Variants in SVOP observed in about 807,000 individuals in gnomAD.
SVOP encodes SV2 related protein, also known as synaptic vesicle 2-related protein.
Under a neutral mutation model 69.1 loss-of-function variants are expected in SVOP, and 17 were observed. That is an observed-to-expected ratio of 0.25 (90% CI 0.17 to 0.37). The LOEUF (loss-of-function observed/expected upper bound fraction) is 0.37, where lower values mean the gene tolerates loss of function less well. Ranked by LOEUF, SVOP falls within the 10% of genes least tolerant of loss-of-function variation. SVOP has a pLI of 1.00. For missense variants in SVOP, 435 were observed against 597.5 expected (o/e 0.73, Z 2.84); for synonymous variants, 238 against 238.6 (o/e 1.00, Z 0.02).
At chr12:108,959,080 C>T (rs759256716) in intron 6 of SVOP, among the ~76,000 whole-genome samples, 26 of 152,170 alleles carry the variant, frequency 1.7e-4, no homozygotes, top group Non-Finnish European at 3.5e-4. Context: ...ATGCTGCGTC[C>T]TGGCACCTAG....
At chr12:108,987,517 C>G (rs1323826849) in intron 1 of SVOP, among the ~76,000 whole-genome samples, 1 of 152,160 alleles carries the variant, frequency 6.6e-6, no homozygotes, top group Admixed American at 6.5e-5. Context: ...GAGGAATTGC[C>G]AGAATGTCTT....
chr12:108,980,380 T>C (rs2040128837), intron 2 of SVOP, among the ~76,000 whole-genome samples: 1 of 152,188 alleles, frequency 6.6e-6, no homozygotes, highest in African/African-American at 2.4e-5. Context: ...GTAAAGGGTA[T>C]GTGAGAAATG....
chr12:109,007,024 G>T (rs2040312696), intron 1 of SVOP, among the ~76,000 whole-genome samples: 1 of 152,126 alleles, frequency 6.6e-6, no homozygotes, highest in Non-Finnish European at 1.5e-5. Flanking sequence ...TGGAGAGGTG[G>T]AGGGCTGAGG....
At position 108,912,426 on chromosome 12, in the gene SVOP, C is replaced by A. The variant is rs1384663554; in HGVS notation, c.*109G>T. ...CAAAACCCTGTTGGTCCAGGTCATA[C>A]TCTTGGGTGAGTTCTTGATGTCGGC... On this transcript the variant is annotated 3_prime_UTR_variant, in exon 16 of 16. Transcript: ENST00000610966. 1 of 1,561,594 alleles carries A rather than the reference C, an allele frequency of 6.4e-7. No individual in the cohort carries two copies. The highest frequency in any genetic ancestry group is 8.7e-7 in the Non-Finnish European group (1 of 1,153,200).
chr12:108,980,014 A>C (rs1393724604), intron 2 of SVOP, among the ~76,000 whole-genome samples: 1 of 152,120 alleles, frequency 6.6e-6, no homozygotes, highest in African/African-American at 2.4e-5. Flanking sequence ...TCTACTAAAA[A>C]TATTTTTAAA....
rs1462034015 is a variant in SVOP at position 108,918,064 on chromosome 12, C to T, written c.1329G>A (p.Ala443=). 12 of 1,582,124 alleles carry T rather than the reference C, an allele frequency of 7.6e-6. No individual in the cohort carries two copies. The highest frequency in any genetic ancestry group is 9.5e-6 in the Non-Finnish European group (11 of 1,163,888). The change falls in exon 14 of 16, where the codon GCG becomes GCA. Residue 443 remains alanine, a synonymous_variant. Transcript: ENST00000610966. Reference sequence around the variant, plus strand: ...CTACCTCAGGTGTGTAAACATATGCCGCTTGAAAGCCTCCAGAAATAAACG... The same window carrying T: ...CTACCTCAGGTGTGTAAACATATGCTGCTTGAAAGCCTCCAGAAATAAACG... ...ARAFISGGFQ[A]AYVYTPEVYP...
intron 5 of SVOP, among the ~76,000 whole-genome samples, chr12:108,965,804 C>T (rs889339428): frequency 7.9e-5 from 12 of 152,086 alleles, no homozygotes; most frequent in Non-Finnish European, 1.3e-4. Flanking sequence ...AGAGGGAGTC[C>T]GAGCGCCTGC....
intron 11 of SVOP, among the ~76,000 whole-genome samples, chr12:108,931,537 G>A: frequency 6.6e-6 from 1 of 152,150 alleles, no homozygotes; most frequent in Non-Finnish European, 1.5e-5. Context: ...TCTGGGCACT[G>A]TTTAAAAGCT....
intron 1 of SVOP, among the ~76,000 whole-genome samples, chr12:109,017,442 G>A (rs1024765488): frequency 7.9e-5 from 12 of 151,864 alleles, no homozygotes; most frequent in African/African-American, 1.5e-4. Context: ...TGGCCTACAC[G>A]TATGCTGTCC....
chr12:108,917,968 T>C lies in SVOP; in HGVS notation c.1350+75A>G. Reference sequence around the variant, plus strand: ...CCACCTCATTCTTTTTAATGGTTTCTGGAAGCAGAGCATCCCCCACAGCCA... The same window carrying C: ...CCACCTCATTCTTTTTAATGGTTTCCGGAAGCAGAGCATCCCCCACAGCCA... On this transcript the variant is annotated intron_variant, in intron 14 of 15. Transcript: ENST00000610966. 4 of 1,251,764 alleles carry C rather than the reference T, an allele frequency of 3.2e-6. No homozygotes were observed. The South Asian group carries it at 6.0e-5, about 19-fold the overall frequency. 77.5% of individuals were successfully genotyped at this position (1,251,764 alleles called of 1,614,324 possible). A position where few individuals can be genotyped will look rare whatever the true frequency, so the allele number is the denominator to read the frequency against.
chr12:109,003,312 A>G (rs1292492547), intron 1 of SVOP, among the ~76,000 whole-genome samples: 3 of 152,176 alleles, frequency 2.0e-5, no homozygotes, highest in African/African-American at 7.2e-5. Flanking sequence ...CTGGGCATCT[A>G]CTGCTCTTAT....
chr12:108,975,875 A>G lies in SVOP; in HGVS notation c.381+1523T>C, dbSNP rs148639154. 2.0e-5 allele frequency among the ~76,000 whole-genome samples: 3 copies of G among 151,922 alleles called. No individual in the cohort carries two copies. The East Asian group carries it at 5.8e-4, about 29-fold the overall frequency. On this transcript the variant is annotated intron_variant, in intron 4 of 15. Coordinates refer to ENST00000610966, the MANE Select transcript of SVOP (RefSeq NM_018711.5). ...GCCACCATGCCCAGTCAATTTTTGT[A>G]TTTTTGGTAGAGACGGGGTTTCACC...
At chr12:108,934,091 G>A (rs2039841101) in intron 11 of SVOP, 104 bp downstream of exon 11, 2 of 983,720 alleles carry the variant, frequency 2.0e-6, no homozygotes, top group Non-Finnish European at 1.5e-6. Flanking sequence ...GTAGTACAAG[G>A]CCAATCCCTT....
intron 2 of SVOP, among the ~76,000 whole-genome samples, chr12:108,980,476 T>C (rs1016101161): frequency 0.33 from 50,183 of 152,112 alleles, 8,793 homozygotes; most frequent in African/African-American, 0.44. Flanking sequence ...CAGCCAGGTG[T>C]GGTGGCTCAC....
chr12:108,988,770 C>CTTTTTTTTTTT (rs758822738), intron 1 of SVOP, among the ~76,000 whole-genome samples: 3 of 92,158 alleles, frequency 3.3e-5, no homozygotes, highest in East Asian at 3.6e-4. Flanking sequence ...TCTTTTCTCT[C>CTTTTTTTTTTT]TTTTTTTTTT....
At chr12:108,927,421 T>C (rs2039786887) in intron 11 of SVOP, among the ~76,000 whole-genome samples, 1 of 152,200 alleles carries the variant, frequency 6.6e-6, no homozygotes, top group Admixed American at 6.5e-5. Context: ...TTACCTTTTG[T>C]TTAAAATTTT....
intron 4 of SVOP, among the ~76,000 whole-genome samples, chr12:108,973,616 C>T (rs1313567885): frequency 1.3e-5 from 2 of 152,180 alleles, no homozygotes; most frequent in Non-Finnish European, 2.9e-5. Context: ...CCAGGTTGGT[C>T]TCTAACTCCT....
intron 6 of SVOP, among the ~76,000 whole-genome samples, chr12:108,953,138 TTTTTTTTTTTTTTTC>T (rs1223610217): frequency 5.1e-5 from 6 of 116,736 alleles, no homozygotes; most frequent in African/African-American, 1.6e-4. Flanking sequence ...CTAATTGACT[TTTTTTTTTTTTTTTC>T]TTTTTTTTTT....
At chr12:109,016,260 G>A (rs181730135) in intron 1 of SVOP, among the ~76,000 whole-genome samples, 98 of 152,282 alleles carry the variant, frequency 6.4e-4, no homozygotes, top group African/African-American at 2.3e-3. Flanking sequence ...AGATAGGGCC[G>A]GAGCCAGAGT....
Sources: gnomAD v4.1 joint callset for allele counts (sites outside exome capture counted in the v4.1 genomes callset) on GRCh38, gnomAD v4.1.1 for gene constraint, MANE v1.5 for transcripts, NCBI Gene and HGNC (gene_info 2026-07-23, HGNC 2026-07-21) for gene names.